The following DSCAM variants were observed in gnomAD, a reference collection of about 807,000 sequenced individuals.
DSCAM encodes cell adhesion molecule DSCAM.
In DSCAM, 47 loss-of-function variants were observed where a neutral mutation model predicts 217.7. That is an observed-to-expected ratio of 0.22 (90% CI 0.17 to 0.28). The LOEUF is 0.28. DSCAM is among the 10% of genes least tolerant of loss of function. The pLI, the probability that DSCAM is intolerant of heterozygous loss-of-function variation, is 1.00. For missense variants in DSCAM, 2,080 were observed against 2,618.3 expected (o/e 0.79, Z 4.49); for synonymous variants, 1,056 against 1,015.3 (o/e 1.04, Z -0.76).
At chr21:40,175,017 A>G (rs1240304776) in intron 15 of DSCAM, among the ~76,000 whole-genome samples, 2 of 151,910 alleles carry the variant, frequency 1.3e-5, no homozygotes, top group East Asian at 1.9e-4. Flanking sequence ...ACCTTTCTCT[A>G]CTTTTCTGCA....
intron 9 of DSCAM, among the ~76,000 whole-genome samples, chr21:40,311,012 T>C (rs1190913409): frequency 1.3e-5 from 2 of 152,150 alleles, no homozygotes; most frequent in Non-Finnish European, 2.9e-5. Context: ...TTCCTTTTGC[T>C]GGCAGGTAGA....
chr21:40,832,890 T>G (rs2092023103), intron 1 of DSCAM, among the ~76,000 whole-genome samples: 1 of 149,322 alleles, frequency 6.7e-6, no homozygotes, highest in Non-Finnish European at 1.5e-5. Flanking sequence ...TTTCTTACAT[T>G]AGGAAGCATT....
intron 19 of DSCAM, among the ~76,000 whole-genome samples, chr21:40,124,830 T>A (rs1006064349): frequency 3.3e-5 from 5 of 152,194 alleles, no homozygotes; most frequent in African/African-American, 1.2e-4. Context: ...TGGTCCTTTG[T>A]AGCTCTAGGA....
intron 1 of DSCAM, among the ~76,000 whole-genome samples, chr21:40,834,271 G>C (rs1022872699): frequency 2.0e-5 from 3 of 151,652 alleles, no homozygotes; most frequent in Admixed American, 6.6e-5. Context: ...GCCGGGCATG[G>C]TGGCGGGTGC....
chr21:40,523,063 C>T (rs1217069503), intron 3 of DSCAM, among the ~76,000 whole-genome samples: 1 of 152,174 alleles, frequency 6.6e-6, no homozygotes, highest in Non-Finnish European at 1.5e-5. Context: ...CTTTACTCCT[C>T]TATTGGAGTT....
At chr21:40,650,978 G>A (rs963246387) in intron 3 of DSCAM, among the ~76,000 whole-genome samples, 8 of 152,168 alleles carry the variant, frequency 5.3e-5, no homozygotes, top group Non-Finnish European at 1.0e-4. Context: ...CTTGGTTTAG[G>A]AGTTTTCCCA....
chr21:40,764,500 T>A (rs2123353779), intron 1 of DSCAM, among the ~76,000 whole-genome samples: 1 of 152,228 alleles, frequency 6.6e-6, no homozygotes, highest in Non-Finnish European at 1.5e-5. Flanking sequence ...ACACTGTTGG[T>A]GGGAGTGTAA....
chr21:40,788,398 T>C (rs1423683830), intron 1 of DSCAM, among the ~76,000 whole-genome samples: 2 of 152,212 alleles, frequency 1.3e-5, no homozygotes, highest in Admixed American at 1.3e-4. Flanking sequence ...TTTTTTTTAA[T>C]GAGAAAAATA....
At position 40,179,090 on chromosome 21, in the gene DSCAM, G is replaced by A. The variant is rs2146802252; in HGVS notation, c.2784C>T (p.Ser928=). The A allele has an allele frequency of 1.2e-6, 2 of 1,605,902 alleles. No homozygotes were observed. Among genetic ancestry groups the A allele is most frequent in the Middle Eastern group, 1.7e-4 (1 of 6,020 alleles). Residue 928 remains serine, a synonymous_variant, in exon 15 of 33, where the codon TCC becomes TCT. Transcript: ENST00000400454. ...CTTTGGTTCTCTGAGCAGAATCCCA[G>A]GAGTCTTTTGGGTTTTGTTTTTCAA... ...YDIECKNKSD[S]WDSAQRTKDV...
chr21:40,023,488 G>C (rs2146427795), intron 32 of DSCAM, among the ~76,000 whole-genome samples: 1 of 147,404 alleles, frequency 6.8e-6, no homozygotes, highest in Middle Eastern at 3.5e-3. Flanking sequence ...CCCACCAACA[G>C]TGTAAAAGTG....
chr21:40,191,678 A>C (rs2090954179), intron 11 of DSCAM, among the ~76,000 whole-genome samples: 1 of 152,032 alleles, frequency 6.6e-6, no homozygotes, highest in African/African-American at 2.4e-5. Flanking sequence ...TTCTTCTCTC[A>C]CAGTTCTGGA....
intron 3 of DSCAM, among the ~76,000 whole-genome samples, chr21:40,423,842 G>A (rs2075447926): frequency 6.6e-6 from 1 of 151,782 alleles, no homozygotes; most frequent in African/African-American, 2.4e-5. Flanking sequence ...AGATGTTCCT[G>A]CTATCAGTCT....
intron 3 of DSCAM, among the ~76,000 whole-genome samples, chr21:40,553,811 A>C (rs2076649310): frequency 6.6e-6 from 1 of 152,138 alleles, no homozygotes; most frequent in African/African-American, 2.4e-5. Context: ...GAGTCATAGG[A>C]TCACTAAAAC....
intron 1 of DSCAM, among the ~76,000 whole-genome samples, chr21:40,753,288 G>T (rs967955594): frequency 1.3e-5 from 2 of 152,158 alleles, no homozygotes; most frequent in African/African-American, 4.8e-5. Flanking sequence ...GTTGTCCATG[G>T]TTAGTCCAAT....
At chr21:40,184,209 A>G (rs2090869597) in intron 14 of DSCAM, among the ~76,000 whole-genome samples, 1 of 152,258 alleles carries the variant, frequency 6.6e-6, no homozygotes, top group Non-Finnish European at 1.5e-5. Flanking sequence ...GTCTAAAACT[A>G]CACTCACTTA....
chr21:40,594,234 G>A (rs1344564658), intron 3 of DSCAM, among the ~76,000 whole-genome samples: 1 of 152,284 alleles, frequency 6.6e-6, no homozygotes, highest in South Asian at 2.1e-4. Context: ...TCCTAGATTT[G>A]GAACAATAAT....
chr21:40,032,486 C>T (rs952881852), intron 32 of DSCAM, among the ~76,000 whole-genome samples: 1 of 152,016 alleles, frequency 6.6e-6, no homozygotes, highest in Non-Finnish European at 1.5e-5. Context: ...GAATTGTAAT[C>T]GAGTCCCTGC....
intron 32 of DSCAM, among the ~76,000 whole-genome samples, chr21:40,037,017 C>A (rs1157998939): frequency 6.7e-6 from 1 of 150,346 alleles, no homozygotes; most frequent in South Asian, 2.1e-4. Context: ...GGACGTATTT[C>A]AAAATAATAA....
chr21:40,033,739 C>G (rs1165337390), intron 32 of DSCAM, among the ~76,000 whole-genome samples: 1 of 151,652 alleles, frequency 6.6e-6, no homozygotes, highest in Non-Finnish European at 1.5e-5. Context: ...CACAGACAAA[C>G]AAAAAGACAG....
Sources: allele counts gnomAD v4.1 joint callset (sites outside exome capture counted in the v4.1 genomes callset), GRCh38; gene constraint gnomAD v4.1.1; transcripts MANE v1.5; gene names NCBI Gene and HGNC (gene_info 2026-07-23, HGNC 2026-07-21).